SLIT3: variants seen among roughly 807,000 people sequenced by gnomAD.
SLIT3 encodes the protein slit guidance ligand 3, also known as slit homolog 3 protein.
A neutral mutation model predicts 184.0 loss-of-function variants in SLIT3; 68 were observed. The ratio of observed to expected loss-of-function variants is 0.37; its 90% CI spans 0.30 to 0.45. The LOEUF is 0.45. Ranked by LOEUF, SLIT3 falls within the 20% of genes least tolerant of loss-of-function variation. The pLI is 1.00. For missense variants in SLIT3, 1,707 were observed against 2,026.0 expected, an observed-to-expected ratio of 0.84 and a Z score of 3.02; for synonymous variants, 831 against 828.6, an observed-to-expected ratio of 1.00 and a Z score of -0.05.
intron 4 of SLIT3, among the ~76,000 whole-genome samples, chr5:168,968,446 T>C (rs1763290152): frequency 6.6e-6 from 1 of 152,232 alleles, no homozygotes; most frequent in South Asian, 2.1e-4. Flanking sequence ...TTCACTGCCA[T>C]CATTGTCAAC....
chr5:169,058,560 T>C (rs1758082831), intron 4 of SLIT3, among the ~76,000 whole-genome samples: 1 of 152,228 alleles, frequency 6.6e-6, no homozygotes, highest in African/African-American at 2.4e-5. Context: ...GTTTTATGAA[T>C]GAAATCCTGC....
At chr5:168,932,261 T>TGTC (rs765072890) in intron 4 of SLIT3, among the ~76,000 whole-genome samples, 1 of 142,902 alleles carries the variant, frequency 7.0e-6, no homozygotes, top group African/African-American at 2.6e-5. Context: ...TTGTTGTGTT[T>TGTC]TTTTTTTTTT....
Position 168,683,951 on chromosome 5 carries a change from G to A in SLIT3, c.3686+15C>T, listed in dbSNP as rs902104810. The A allele has an allele frequency of 1.3e-6, 2 of 1,504,756 alleles. No individual in the cohort carries two copies. The highest frequency in any genetic ancestry group is 2.8e-5 in the African/African-American group (2 of 71,090). The allele number at this position is 1,504,756 out of a possible 1,614,324, so 93.2% of individuals were successfully genotyped here. On this transcript the variant is annotated intron_variant, in intron 32 of 35. Coordinates refer to ENST00000519560, the MANE Select transcript of SLIT3 (RefSeq NM_003062.4). ...GAGGAACACACAGTGGGTCAGGAGGGAGAGAGGCCCTTACCTGTACACTGT... is the reference window on the plus strand; with the variant it reads ...GAGGAACACACAGTGGGTCAGGAGGAAGAGAGGCCCTTACCTGTACACTGT...
At chr5:168,748,171 G>C in intron 20 of SLIT3, 131 bp downstream of exon 20, 1 of 1,050,218 alleles carries the variant, frequency 9.5e-7, no homozygotes, top group Non-Finnish European at 1.3e-6. Context: ...CATCTTGCTG[G>C]GATCCATTCA....
chr5:169,224,477 C>T (rs1183655797), intron 3 of SLIT3, among the ~76,000 whole-genome samples: 2 of 151,712 alleles, frequency 1.3e-5, no homozygotes, highest in East Asian at 1.9e-4. Flanking sequence ...AAGTGATCCT[C>T]CCACCTCAAC....
intron 4 of SLIT3, among the ~76,000 whole-genome samples, chr5:169,047,864 A>G (rs1208712185): frequency 1.3e-5 from 2 of 152,064 alleles, no homozygotes; most frequent in Non-Finnish European, 2.9e-5. Flanking sequence ...GCATCGTCAT[A>G]TCCTCTTCTA....
chr5:169,139,207 T>C (rs1296958046), intron 4 of SLIT3, among the ~76,000 whole-genome samples: 2 of 152,236 alleles, frequency 1.3e-5, no homozygotes, highest in East Asian at 3.8e-4. Context: ...CTTGTGTACC[T>C]AGCACTGTGC....
intron 4 of SLIT3, among the ~76,000 whole-genome samples, chr5:169,030,780 A>G (rs1241491111): frequency 6.6e-6 from 1 of 152,246 alleles, no homozygotes; most frequent in Admixed American, 6.5e-5. Context: ...AAACAATATT[A>G]CATCTATTTA....
chr5:169,195,910 C>A (rs1206837967), intron 3 of SLIT3, among the ~76,000 whole-genome samples: 1 of 152,062 alleles, frequency 6.6e-6, no homozygotes, highest in Non-Finnish European at 1.5e-5. Flanking sequence ...ATCTTCTTAG[C>A]AATAAAAAAA....
rs1219766391 is a variant in SLIT3 at position 168,923,585 on chromosome 5, C to T, written c.414-40249G>A. Among the ~76,000 whole-genome samples the T allele has an allele frequency of 2.0e-5, 3 of 150,304 alleles. No homozygotes were observed. In the South Asian group the frequency reaches 6.3e-4, roughly 32 times the overall value. On this transcript the variant is annotated intron_variant, in intron 4 of 35. Transcript: ENST00000519560. ...AGGCTGGAGTGCAGTGGCACAGTCT[C>T]GACTCACTGCAACCTCCGCCTCCTG...
chr5:169,186,678 C>T (rs924205885), intron 4 of SLIT3, among the ~76,000 whole-genome samples: 1 of 152,112 alleles, frequency 6.6e-6, no homozygotes, highest in African/African-American at 2.4e-5. Flanking sequence ...GAATGCAGCT[C>T]CCAATTTGTG....
At chr5:168,741,072 C>A (rs1433178793) in intron 20 of SLIT3, among the ~76,000 whole-genome samples, 1 of 152,168 alleles carries the variant, frequency 6.6e-6, no homozygotes. Flanking sequence ...TGGACATGAA[C>A]TTTTTAGCAA....
intron 4 of SLIT3, among the ~76,000 whole-genome samples, chr5:168,895,549 A>C (rs1456468265): frequency 1.3e-5 from 2 of 152,236 alleles, no homozygotes; most frequent in African/African-American, 4.8e-5. Context: ...AAAGCAATTC[A>C]GCAAGAGCTC....
chr5:169,300,986 T>G lies in SLIT3; in HGVS notation c.-277A>C. The G allele has an allele frequency of 6.0e-6, 1 of 165,952 alleles. No homozygotes were observed. 10.3% of individuals were successfully genotyped at this position (165,952 alleles called of 1,614,324 possible). A position where few individuals can be genotyped will look rare whatever the true frequency, so the allele number is the denominator to read the frequency against. ...GGTGCGGAGCGCCCCCTGGCCCCGC[T>G]GGCCCGCGGGCCGGGTTGGGGACCT... On this transcript the variant is annotated 5_prime_UTR_variant, in exon 1 of 36. Coordinates refer to ENST00000519560, the MANE Select transcript of SLIT3 (RefSeq NM_003062.4). This position sits in a 1 kb window ranked among gnomAD's most constrained non-coding sequence, Gnocchi z 4.1.
chr5:168,970,513 A>AAC (rs1561581388), intron 4 of SLIT3, among the ~76,000 whole-genome samples: 1 of 151,554 alleles, frequency 6.6e-6, no homozygotes, highest in East Asian at 1.9e-4. Flanking sequence ...AAAAAAAAAA[A>AAC]AACAAAGACA....
chr5:168,872,519 C>T (rs1049803828), intron 5 of SLIT3, among the ~76,000 whole-genome samples: 2 of 151,866 alleles, frequency 1.3e-5, no homozygotes, highest in African/African-American at 4.8e-5. Flanking sequence ...AAACTCTCTA[C>T]ACTTTCCACT....
Position 168,722,215 on chromosome 5 carries a change from C to T in SLIT3, c.2483+41G>A, listed in dbSNP as rs558698021. 3.8e-6 allele frequency: 6 copies of T among 1,584,320 alleles called. No individual in the cohort carries two copies. The South Asian group carries it at 6.6e-5, about 18-fold the overall frequency. On this transcript the variant is annotated intron_variant, in intron 23 of 35. Coordinates refer to ENST00000519560, the MANE Select transcript of SLIT3 (RefSeq NM_003062.4). ...GCTTAGTCTGCTTCCTGCTGTCACT[C>T]AGCAATGTGTAAGTCAAAATCAGCA...
intron 4 of SLIT3, among the ~76,000 whole-genome samples, chr5:169,190,693 A>G (rs1173846686): frequency 6.6e-6 from 1 of 152,226 alleles, no homozygotes; most frequent in Non-Finnish European, 1.5e-5. Context: ...CCCACATGGC[A>G]TACTCTGGTG....
chr5:168,892,590 T>C (rs1196657170), intron 4 of SLIT3, among the ~76,000 whole-genome samples: 1 of 152,238 alleles, frequency 6.6e-6, no homozygotes, highest in Non-Finnish European at 1.5e-5. Context: ...GTTTAGAATA[T>C]TCCATTCATT....
Sources: allele counts gnomAD v4.1 joint callset (sites outside exome capture counted in the v4.1 genomes callset), GRCh38; gene constraint gnomAD v4.1.1; non-coding constraint Gnocchi (gnomAD v3.1); transcripts MANE v1.5; gene names NCBI Gene and HGNC (gene_info 2026-07-23, HGNC 2026-07-21).